Variants in DNAJC10 observed in about 807,000 individuals in gnomAD.
DNAJC10 encodes DnaJ heat shock protein family (Hsp40) member C10.
A neutral mutation model predicts 115.0 loss-of-function variants in DNAJC10; 101 were observed. The observed-to-expected ratio is 0.88, with a 90% CI of 0.75 to 1.04. DNAJC10 has a LOEUF of 1.04. Ranked by LOEUF, DNAJC10 falls within the 50% of genes least tolerant of loss-of-function variation. The pLI, the probability that DNAJC10 is intolerant of heterozygous loss-of-function variation, is 0.00. For synonymous variants in DNAJC10, 307 were observed against 301.5 expected (o/e 1.02, Z -0.19); for missense variants, 981 against 928.8 (o/e 1.06, Z -0.73).
chr2:182,791,200 T>C lies in DNAJC10; in HGVS notation c.*14068T>C, dbSNP rs1339962251. On this transcript the variant is annotated 3_prime_UTR_variant, in exon 24 of 24. Coordinates refer to ENST00000264065, the MANE Select transcript of DNAJC10 (RefSeq NM_018981.4). The stretch of plus-strand genomic sequence containing the variant: ...TTAAATCCAAGCAGTAATTCTCCAA[T>C]TAAAGTAACTCTAGAGCTTAGTTTT... The C allele has an allele frequency of 6.6e-6, 1 of 152,154 alleles. No homozygotes were observed. Among genetic ancestry groups the C allele is most frequent in the Non-Finnish European group, 1.5e-5 (1 of 68,024 alleles). 9.4% of individuals were successfully genotyped at this position (152,154 alleles called of 1,614,324 possible).
chr2:182,779,146 C>T lies in DNAJC10; in HGVS notation c.*2014C>T, dbSNP rs1468936526. Reference sequence around the variant, plus strand: ...AAGCTGTGTGCCTTTGGAATCAGCTCTAAGCCAGGGCCCCCTGGGAGTCAT... The same window carrying T: ...AAGCTGTGTGCCTTTGGAATCAGCTTTAAGCCAGGGCCCCCTGGGAGTCAT... On this transcript the variant is annotated 3_prime_UTR_variant, in exon 24 of 24. Coordinates refer to ENST00000264065, the MANE Select transcript of DNAJC10 (RefSeq NM_018981.4). The T allele has an allele frequency of 1.3e-5, 2 of 152,154 alleles. No individual in the cohort carries two copies. Among genetic ancestry groups the T allele is most frequent in the African/African-American group, 4.8e-5 (2 of 41,432 alleles). The allele number at this position is 152,154 out of a possible 1,614,324, so 9.4% of individuals were successfully genotyped here.
intron 22 of DNAJC10, among the ~76,000 whole-genome samples, chr2:182,767,141 AT>A (rs1275174795): frequency 6.6e-6 from 1 of 152,164 alleles, no homozygotes; most frequent in Non-Finnish European, 1.5e-5. Context: ...AATCTTCCAA[AT>A]TCCTTTCAGG....
In DNAJC10 at chr2:182,729,834, AC is replaced by A; in HGVS notation, c.634-13del. The A allele has an allele frequency of 1.3e-6, 2 of 1,543,586 alleles. No homozygotes were observed. The highest frequency in any genetic ancestry group is 2.3e-5 in the East Asian group (1 of 43,158). The stretch of plus-strand genomic sequence containing the variant: ...AAAAGTAAAAGATGTTTCTCTTCTT[AC>A]AAAAACCAATAGGCCCCAGTGAAAT... On this transcript the variant is annotated splice_polypyrimidine_tract_variant and intron_variant, in intron 7 of 23. Transcript: ENST00000264065.
chr2:182,740,147 T>C (rs2105643630), intron 11 of DNAJC10, 152 bp from the exon 12 acceptor site: 1 of 1,167,052 alleles, frequency 8.6e-7, no homozygotes, highest in East Asian at 3.7e-5. Context: ...ATACACTTTT[T>C]TTGAAAAAAG....
At chr2:182,717,745 C>T (rs566672099) in intron 2 of DNAJC10, among the ~76,000 whole-genome samples, 196 bp from the exon 3 acceptor site, 23 of 152,220 alleles carry the variant, frequency 1.5e-4, no homozygotes, top group African/African-American at 5.5e-4. Context: ...CACTCATGAC[C>T]TTTTTTCTGC....
At chr2:182,745,020 T>C (rs1693825943) in intron 14 of DNAJC10, among the ~76,000 whole-genome samples, 1 of 152,218 alleles carries the variant, frequency 6.6e-6, no homozygotes, top group Non-Finnish European at 1.5e-5. Context: ...TCTCCTAGCC[T>C]TTCTTCCTTA....
At position 182,789,390 on chromosome 2, in the gene DNAJC10, T is replaced by G. The variant is rs1247816754; in HGVS notation, c.*12258T>G. The G allele has an allele frequency of 1.3e-5, 2 of 152,540 alleles. No homozygotes were observed. Among genetic ancestry groups the G allele is most frequent in the African/African-American group, 4.8e-5 (2 of 41,464 alleles). 9.4% of individuals were successfully genotyped at this position (152,540 alleles called of 1,614,324 possible). On this transcript the variant is annotated 3_prime_UTR_variant, in exon 24 of 24. Transcript: ENST00000264065. ...GCATGTGCCACCACGCTGGCTAATTTTTGTATGTTTAACGGAGACAAGGTT... is the reference window on the plus strand; with the variant it reads ...GCATGTGCCACCACGCTGGCTAATTGTTGTATGTTTAACGGAGACAAGGTT...
In DNAJC10 at chr2:182,788,316, TC is replaced by T; in HGVS notation, c.*11187del. 1 of 178,234 alleles carries T rather than the reference TC, an allele frequency of 5.6e-6. No homozygotes were observed. The highest frequency in any genetic ancestry group is 1.2e-5 in the Non-Finnish European group (1 of 85,452). The allele number at this position is 178,234 out of a possible 1,614,324, so 11.0% of individuals were successfully genotyped here. A position where few individuals can be genotyped will look rare whatever the true frequency, so the allele number is the denominator to read the frequency against. ...GTCGGGGCCAGGCGAATAAAGGATG[TC>T]CCATGTCTTATCCATAAGCAGTAGT... On this transcript the variant is annotated 3_prime_UTR_variant, in exon 24 of 24. Transcript: ENST00000264065.
chr2:182,762,170 A>C (rs75078366), intron 21 of DNAJC10, among the ~76,000 whole-genome samples: 14 of 149,164 alleles, frequency 9.4e-5, no homozygotes, highest in East Asian at 2.0e-4. Context: ...AAAAAAAAAA[A>C]AGAGAGAGAG....
chr2:182,737,723 A>G (rs1313301385), intron 11 of DNAJC10, among the ~76,000 whole-genome samples: 1 of 152,186 alleles, frequency 6.6e-6, no homozygotes, highest in Non-Finnish European at 1.5e-5. Context: ...GCCTATAACC[A>G]TATTCCCAAT....
In DNAJC10 at chr2:182,741,273, T is replaced by C. The variant is rs1418405557; in HGVS notation, c.1108T>C (p.Phe370Leu). The change falls in exon 13 of 24, where the codon TTT becomes CTT. Residue 370 changes from phenylalanine to leucine, a missense_variant. Coordinates refer to ENST00000264065, the MANE Select transcript of DNAJC10 (RefSeq NM_018981.4). ...DRLAHHRWLLFFHFGKNENSN... is the reference protein window; with the variant it reads ...DRLAHHRWLLLFHFGKNENSN... ...TTTGGCTCATCATCGGTGGCTGTTA[T>C]TTTTTCATTTTGGAAAAAATGAAAA... 5 of 1,605,558 alleles carry C rather than the reference T, an allele frequency of 3.1e-6. No individual in the cohort carries two copies. Among genetic ancestry groups the C allele is most frequent in the Non-Finnish European group, 4.2e-6 (5 of 1,177,150 alleles).
At chr2:182,776,482 A>G (rs1004109343) in intron 23 of DNAJC10, among the ~76,000 whole-genome samples, 6 of 152,224 alleles carry the variant, frequency 3.9e-5, no homozygotes, top group Non-Finnish European at 8.8e-5. Flanking sequence ...ATTTAATACA[A>G]TCACATGAGG....
Position 182,752,139 on chromosome 2 carries a change from T to G in DNAJC10, c.1502T>G (p.Leu501Arg). 1.2e-6 allele frequency: 2 copies of G among 1,613,804 alleles called. No individual in the cohort carries two copies. Among genetic ancestry groups the G allele is most frequent in the Middle Eastern group, 1.7e-4 (1 of 6,060 alleles). ...RRASNLLYGQ[L>R]KFGTLDCTVH... The stretch of plus-strand genomic sequence containing the variant: ...GCATCAAATCTTCTTTATGGTCAGC[T>G]TAAGTTTGGTACACTAGATTGTACA... The change falls in exon 16 of 24, where the codon CTT becomes CGT. Residue 501 changes from leucine (L) to arginine (R), a missense_variant. Transcript: ENST00000264065.
rs1363315284 is a variant in DNAJC10, at chr2:182,728,926, G to C, written c.565G>C (p.Asp189His). ...LRIGAVNCGDDRMLCRMKGVN... is the reference protein window; with the variant it reads ...LRIGAVNCGDHRMLCRMKGVN... Reference sequence around the variant, plus strand: ...AATTGGAGCTGTTAACTGTGGTGATGATAGAATGCTTTGCCGAATGAAAGG... The same window carrying C: ...AATTGGAGCTGTTAACTGTGGTGATCATAGAATGCTTTGCCGAATGAAAGG... The change falls in exon 7 of 24, where the codon GAT (aspartate) becomes CAT (histidine). Residue 189 changes from aspartate to histidine, a missense_variant. By Grantham distance (81) the Asp-to-His change is moderately conservative. Coordinates refer to ENST00000264065, the MANE Select transcript of DNAJC10 (RefSeq NM_018981.4). The C allele has an allele frequency of 6.2e-7, 1 of 1,614,046 alleles. No homozygotes were observed. Among genetic ancestry groups the C allele is most frequent in the African/African-American group, 1.3e-5 (1 of 75,040 alleles).
chr2:182,754,292 A>G (rs931685851), intron 16 of DNAJC10, among the ~76,000 whole-genome samples: 1 of 152,222 alleles, frequency 6.6e-6, no homozygotes, highest in Non-Finnish European at 1.5e-5. Flanking sequence ...ATCCTGGTCA[A>G]AGATTCCAGT....
rs1465517799 is a variant in DNAJC10, at chr2:182,788,590, A to G, written c.*11458A>G. On this transcript the variant is annotated 3_prime_UTR_variant, in exon 24 of 24. Coordinates refer to ENST00000264065, the MANE Select transcript of DNAJC10 (RefSeq NM_018981.4). The stretch of plus-strand genomic sequence containing the variant: ...GTTTAAGTACTTATCTCAAAAGGAA[A>G]AATGTTAGCAATTGGTTGTAGCAAT... 1 of 245,940 alleles carries G rather than the reference A, an allele frequency of 4.1e-6. No homozygotes were observed. The highest frequency in any genetic ancestry group is 2.3e-5 in the African/African-American group (1 of 43,548). 15.2% of individuals were successfully genotyped at this position (245,940 alleles called of 1,614,324 possible).
chr2:182,717,771 C>T (rs1052854765), intron 2 of DNAJC10, among the ~76,000 whole-genome samples, 170 bp from the exon 3 acceptor site: 2 of 152,160 alleles, frequency 1.3e-5, no homozygotes, highest in African/African-American at 4.8e-5. Flanking sequence ...TCAGTGATTT[C>T]ACAAATCTAG....
chr2:182,784,669 T>A lies in DNAJC10; in HGVS notation c.*7537T>A, dbSNP rs889308316. 1 of 152,240 alleles carries A rather than the reference T, an allele frequency of 6.6e-6. No homozygotes were observed. Among genetic ancestry groups the A allele is most frequent in the Non-Finnish European group, 1.5e-5 (1 of 68,050 alleles). The allele number at this position is 152,240 out of a possible 1,614,324, so 9.4% of individuals were successfully genotyped here. A position where few individuals can be genotyped will look rare whatever the true frequency, so the allele number is the denominator to read the frequency against. ...AAGTTTAATTTGCAGCCCTTATAGC[T>A]TAGAGGCATTGTAGTTGATATTATA... On this transcript the variant is annotated 3_prime_UTR_variant, in exon 24 of 24. Transcript: ENST00000264065.
chr2:182,751,564 C>A, intron 14 of DNAJC10, 94 bp from the exon 15 acceptor site: 1 of 1,368,334 alleles, frequency 7.3e-7, no homozygotes, highest in Non-Finnish European at 1.0e-6. Context: ...CATAATTTAT[C>A]TTCTTTAGTA....
Sources: gnomAD v4.1 joint callset for allele counts (sites outside exome capture counted in the v4.1 genomes callset) on GRCh38, gnomAD v4.1.1 for gene constraint, MANE v1.5 for transcripts, NCBI Gene and HGNC (gene_info 2026-07-23, HGNC 2026-07-21) for gene names.